UGT2A3: variants seen among roughly 807,000 people sequenced by gnomAD.
UGT2A3 encodes the protein UDP-glucuronosyltransferase 2A3.
UGT2A3 carries 55 observed loss-of-function variants against 44.1 expected under a neutral mutation model. The ratio of observed to expected loss-of-function variants is 1.25; its 90% CI spans 1.00 to 1.56. The LOEUF (loss-of-function observed/expected upper bound fraction) is 1.56, where lower values mean the gene tolerates loss of function less well. Among genes scored for constraint, UGT2A3 ranks in the 40% most tolerant of loss-of-function variants. The pLI, the probability that UGT2A3 is intolerant of heterozygous loss-of-function variation, is 0.00. For missense variants in UGT2A3, 733 were observed against 621.6 expected (o/e 1.18, Z -1.91); for synonymous variants, 243 against 215.1 (o/e 1.13, Z -1.13).
intron 2 of UGT2A3, among the ~76,000 whole-genome samples, chr4:68,945,104 G>A (rs1239377079): frequency 2.0e-5 from 3 of 151,512 alleles, no homozygotes; most frequent in Non-Finnish European, 4.4e-5. Context: ...TTCTAATCAT[G>A]ACATTCTTCT....
At position 68,929,865 on chromosome 4, in the gene UGT2A3, A is replaced by T. The variant is rs1035212188; in HGVS notation, c.1532T>A (p.Leu511Ter). Reference protein sequence around the residue: ...TAIFLFTKCFLFSCQKFNKTR... With the variant: ...TAIFLFTKCF ...TTTATTAAATTTTTGACAGGAAAAT[A>T]AAAAACATTTTGTGAACAAGAATAT... is the stretch of plus-strand genomic sequence containing the variant. The change falls in exon 6 of 6, where the codon TTA becomes TAA. Residue 511 changes from leucine to a stop codon, truncating the protein, a stop_gained. Transcript: ENST00000251566. LOFTEE classifies it low-confidence loss of function (END_TRUNC). 1.2e-6 allele frequency: 2 copies of T among 1,608,426 alleles called. No individual in the cohort carries two copies. Among genetic ancestry groups the T allele is most frequent in the African/African-American group, 2.7e-5 (2 of 74,610 alleles).
chr4:68,951,514 T>C lies in UGT2A3; in HGVS notation c.247A>G (p.Arg83Gly), dbSNP rs763994846. 3 of 1,612,940 alleles carry C rather than the reference T, an allele frequency of 1.9e-6. No homozygotes were observed. Among genetic ancestry groups the C allele is most frequent in the Non-Finnish European group, 2.5e-6 (3 of 1,179,386 alleles). ...KFEVVHMPQD[R>G]TEENEIFVDL... The stretch of plus-strand genomic sequence containing the variant: ...ACAAATATTTCATTTTCTTCTGTTC[T>C]GTCCTGTGGCATATGGACCACCTCA... The change falls in exon 1 of 6, where the codon AGA (arginine) becomes GGA (glycine). Residue 83 changes from arginine to glycine, a missense_variant. Physicochemically the swap from Arg to Gly is moderately radical, Grantham distance 125 (BLOSUM62 -2). Transcript: ENST00000251566.
chr4:68,934,887 T>TA (rs781441831), intron 2 of UGT2A3, among the ~76,000 whole-genome samples: 9 of 150,936 alleles, frequency 6.0e-5, no homozygotes, highest in Non-Finnish European at 1.0e-4. Flanking sequence ...TAAGGATTCT[T>TA]AAAAAAAAGG....
Position 68,929,912 on chromosome 4 carries a change from C to A in UGT2A3, c.1485G>T (p.Leu495=). ...QHYSIDVIGF[L]LACVATAIFL... ...ATATAGCAGTTGCCACACAGGCCAGCAGGAACCCAATCACATCTATAGAGT... is the reference window on the plus strand; with the variant it reads ...ATATAGCAGTTGCCACACAGGCCAGAAGGAACCCAATCACATCTATAGAGT... Residue 495 remains leucine, a synonymous_variant, in exon 6 of 6, where the codon CTG becomes CTT. Transcript: ENST00000251566. 2 of 1,613,490 alleles carry A rather than the reference C, an allele frequency of 1.2e-6. No homozygotes were observed. The highest frequency in any genetic ancestry group is 1.7e-6 in the Non-Finnish European group (2 of 1,179,586).
intron 5 of UGT2A3, 127 bp downstream of exon 5, chr4:68,930,419 T>C (rs575394573): frequency 2.2e-6 from 2 of 913,080 alleles, no homozygotes; most frequent in African/African-American, 3.3e-5. Context: ...AGTAACAAGG[T>C]GATGAATGAC....
chr4:68,940,443 C>G (rs956878041), intron 2 of UGT2A3, among the ~76,000 whole-genome samples: 4 of 151,950 alleles, frequency 2.6e-5, no homozygotes, highest in African/African-American at 9.7e-5. Context: ...CAAACTATCA[C>G]AAGGATAGAA....
chr4:68,933,833 A>C (rs186205078), intron 2 of UGT2A3, among the ~76,000 whole-genome samples: 1 of 152,050 alleles, frequency 6.6e-6, no homozygotes, highest in African/African-American at 2.4e-5. Context: ...CCCAGACAGG[A>C]AAACAACAGC....
chr4:68,944,070 C>G (rs947368917), intron 2 of UGT2A3, among the ~76,000 whole-genome samples: 2 of 151,814 alleles, frequency 1.3e-5, no homozygotes, highest in African/African-American at 4.8e-5. Context: ...GAACTCTTTT[C>G]TCTAGAAATG....
chr4:68,937,388 G>A (rs1452223141), intron 2 of UGT2A3, among the ~76,000 whole-genome samples: 2 of 152,080 alleles, frequency 1.3e-5, no homozygotes, highest in African/African-American at 2.4e-5. Flanking sequence ...AATCAAATTA[G>A]AACTCAGGAT....
In UGT2A3 at chr4:68,948,444, T is replaced by TC. The variant is rs1161503361; in HGVS notation, c.715+2601_715+2602insG. ...TTTTTTCTTTTCTTTTTTTTCTTTT[T>TC]TTTTTTTTTTTTTTTGGTAGTGGTT... On this transcript the variant is annotated intron_variant, in intron 1 of 5. Coordinates refer to ENST00000251566, the MANE Select transcript of UGT2A3 (RefSeq NM_024743.4). 2.0e-4 allele frequency among the ~76,000 whole-genome samples: 22 copies of TC among 111,826 alleles called. 1 individual carries two copies. Among genetic ancestry groups the TC allele is most frequent in the Admixed American group, 4.7e-4 (4 of 8,598 alleles). The allele number at this position is 111,826 out of a possible 152,430, so 73.4% of individuals were successfully genotyped here. A position where few individuals can be genotyped will look rare whatever the true frequency, so the allele number is the denominator to read the frequency against.
At chr4:68,937,745 A>T (rs756436157) in intron 2 of UGT2A3, among the ~76,000 whole-genome samples, 1 of 152,250 alleles carries the variant, frequency 6.6e-6, no homozygotes, top group Non-Finnish European at 1.5e-5. Flanking sequence ...GACACGAAAA[A>T]CCCTTCAACA....
At chr4:68,941,963 T>TC (rs1272108102) in intron 2 of UGT2A3, among the ~76,000 whole-genome samples, 2 of 151,706 alleles carry the variant, frequency 1.3e-5, no homozygotes, top group African/African-American at 4.8e-5. Flanking sequence ...ATGGCTATTA[T>TC]CAAAAGGCAA....
At chr4:68,950,800 C>A (rs896703159) in intron 1 of UGT2A3, among the ~76,000 whole-genome samples, 1 of 151,558 alleles carries the variant, frequency 6.6e-6, no homozygotes, top group Non-Finnish European at 1.5e-5. Context: ...TGTTGATTTG[C>A]GCTATTTGGA....
At position 68,935,289 on chromosome 4, in the gene UGT2A3, T is replaced by TATATAC. The variant is rs1197823076; in HGVS notation, c.865-2531_865-2530insGTATAT. Among the ~76,000 whole-genome samples, 2 of 79,042 alleles carry TATATAC rather than the reference T, an allele frequency of 2.5e-5. 1 individual carries two copies. Among genetic ancestry groups the TATATAC allele is most frequent in the African/African-American group, 1.5e-4 (2 of 13,470 alleles). The allele number at this position is 79,042 out of a possible 152,430, so 51.9% of individuals were successfully genotyped here. ...GTATGTATGTATGTATATATATATATATATATATATATATATATATATATA... is the reference window on the plus strand; with the variant it reads ...GTATGTATGTATGTATATATATATATATATACATATATATATATATATATATATATA... On this transcript the variant is annotated intron_variant, in intron 2 of 5. Coordinates refer to ENST00000251566, the MANE Select transcript of UGT2A3 (RefSeq NM_024743.4).
At chr4:68,930,307 A>T (rs1717682950) in intron 5 of UGT2A3, among the ~76,000 whole-genome samples, 1 of 152,082 alleles carries the variant, frequency 6.6e-6, no homozygotes, top group African/African-American at 2.4e-5. Context: ...GGGTAAAATT[A>T]AGATGTGAAT....
chr4:68,950,404 A>C (rs2109799046), intron 1 of UGT2A3, among the ~76,000 whole-genome samples: 1 of 151,990 alleles, frequency 6.6e-6, no homozygotes, highest in South Asian at 2.1e-4. Flanking sequence ...TTGGATAAAA[A>C]CATGTCTTGC....
Position 68,928,784 on chromosome 4 carries a change from A to G in UGT2A3, c.*1029T>C, listed in dbSNP as rs1293640918. The G allele has an allele frequency of 1.3e-5, 2 of 151,852 alleles. No homozygotes were observed. The highest frequency in any genetic ancestry group is 2.9e-5 in the Non-Finnish European group (2 of 67,898). 9.4% of individuals were successfully genotyped at this position (151,852 alleles called of 1,614,324 possible). ...ATCAAAATATTTAATATATAATACT[A>G]TTTGTTATGCAGGTTTTCTAATACC... is the stretch of plus-strand genomic sequence containing the variant. On this transcript the variant is annotated 3_prime_UTR_variant, in exon 6 of 6. Coordinates refer to ENST00000251566, the MANE Select transcript of UGT2A3 (RefSeq NM_024743.4).
chr4:68,938,307 A>G (rs774462000), intron 2 of UGT2A3, among the ~76,000 whole-genome samples: 3 of 152,078 alleles, frequency 2.0e-5, no homozygotes, highest in Non-Finnish European at 4.4e-5. Flanking sequence ...AAAACCCTCA[A>G]TAAAATACTG....
chr4:68,948,439 C>CTTTTTTTT (rs60082800), intron 1 of UGT2A3, among the ~76,000 whole-genome samples: 26 of 110,150 alleles, frequency 2.4e-4, no homozygotes, highest in African/African-American at 8.6e-4. Flanking sequence ...TCTTTTTTTT[C>CTTTTTTTT]TTTTTTTTTT....
Sources: gnomAD v4.1 joint callset for allele counts (sites outside exome capture counted in the v4.1 genomes callset) on GRCh38, gnomAD v4.1.1 for gene constraint, MANE v1.5 for transcripts, NCBI Gene and HGNC (gene_info 2026-07-23, HGNC 2026-07-21) for gene names.